SFXN4: variants seen among roughly 807,000 people sequenced by gnomAD.
SFXN4 encodes the protein sideroflexin 4.
SFXN4 carries 48 observed loss-of-function variants against 54.6 expected under a neutral mutation model. The ratio of observed to expected loss-of-function variants is 0.88; its 90% CI spans 0.70 to 1.12. The LOEUF is 1.12. Ranked by LOEUF, SFXN4 falls within the 50% of genes most tolerant of loss-of-function variation. SFXN4 has a pLI of 0.00. For synonymous variants in SFXN4, 130 were observed against 145.5 expected (o/e 0.89, Z 0.77); for missense variants, 383 against 409.2 (o/e 0.94, Z 0.55).
intron 1 of SFXN4, 155 bp downstream of exon 1, chr10:119,165,382 G>A (rs1042278109): frequency 7.5e-7 from 1 of 1,332,214 alleles, no homozygotes; most frequent in East Asian, 3.2e-5. Context: ...AAGGGGTGAA[G>A]GCCGGTGGTG....
chr10:119,160,008 C>T (rs889752685), intron 5 of SFXN4, among the ~76,000 whole-genome samples: 1 of 151,902 alleles, frequency 6.6e-6, no homozygotes, highest in African/African-American at 2.4e-5. Context: ...GGTAGCGAGA[C>T]CCCCACCTCC....
chr10:119,153,353 G>C (rs1397981269), intron 11 of SFXN4, among the ~76,000 whole-genome samples: 1 of 148,286 alleles, frequency 6.7e-6, no homozygotes, highest in Admixed American at 6.8e-5. Context: ...TGAGGCTGTA[G>C]AGCCGTGATC....
intron 11 of SFXN4, among the ~76,000 whole-genome samples, chr10:119,151,883 T>C (rs1027871556): frequency 6.6e-6 from 1 of 152,030 alleles, no homozygotes; most frequent in Non-Finnish European, 1.5e-5. Context: ...GGTGTGATAA[T>C]AGCTCGCTGC....
rs1847441453 is a variant in SFXN4, at chr10:119,159,771, G to A, written c.335-18C>T. The A allele has an allele frequency of 3.1e-6, 5 of 1,614,098 alleles. No individual in the cohort carries two copies. In the African/African-American group the frequency reaches 5.3e-5, roughly 17 times the overall value. On this transcript the variant is annotated intron_variant, in intron 5 of 13. Transcript: ENST00000355697. ...CAGGAACGCTGGCAGGAAGAGAAGA[G>A]AGGAGGTGTCAGTGATCACAGTTGC...
intron 3 of SFXN4, among the ~76,000 whole-genome samples, chr10:119,161,655 C>T (rs1847552464): frequency 6.6e-6 from 1 of 152,096 alleles, no homozygotes; most frequent in African/African-American, 2.4e-5. Context: ...TGGACCAGAA[C>T]ATTAAAAAGT....
At chr10:119,162,971 T>G (rs1409331715) in intron 2 of SFXN4, among the ~76,000 whole-genome samples, 1 of 152,062 alleles carries the variant, frequency 6.6e-6, no homozygotes, top group Non-Finnish European at 1.5e-5. Context: ...AACTTTCTAT[T>G]TTTATTTGTA....
At position 119,160,930 on chromosome 10, in the gene SFXN4, G is replaced by T. The variant is rs749156561; in HGVS notation, c.319C>A (p.Leu107Ile). 4.3e-6 allele frequency: 7 copies of T among 1,613,936 alleles called. No homozygotes were observed. The highest frequency in any genetic ancestry group is 5.9e-6 in the Non-Finnish European group (7 of 1,180,020). ...HPDSSNLIPK[L>I]FRPAAFLPFM... ...ACCAACTCACCTGCAGGTCGAAAAA[G>T]CTTGGGGATCAGGTTGCTGCTGTCG... Residue 107 changes from leucine to isoleucine, a missense_variant, in exon 5 of 14, where the codon CTT (leucine) becomes ATT (isoleucine). By Grantham distance (5) the Leu-to-Ile change is conservative. Coordinates refer to ENST00000355697, the MANE Select transcript of SFXN4 (RefSeq NM_213649.2).
intron 11 of SFXN4, among the ~76,000 whole-genome samples, chr10:119,151,472 C>A: frequency 6.6e-6 from 1 of 151,722 alleles, no homozygotes; most frequent in East Asian, 1.9e-4. Flanking sequence ...TGAAAATGTT[C>A]TACAACTGGA....
rs915090769 is a variant in SFXN4, at chr10:119,144,576, G to A, written c.936+1660C>T. Among the ~76,000 whole-genome samples, 8 of 150,980 alleles carry A rather than the reference G, an allele frequency of 5.3e-5. 1 individual carries two copies. The highest frequency in any genetic ancestry group is 2.0e-4 in the Admixed American group (3 of 15,154). ...CTTTCTGACTTAAAAAAAAAAAAAT[G>A]TCCTTGCTACCTACTAAGCAACAAC... On this transcript the variant is annotated intron_variant, in intron 13 of 13. Transcript: ENST00000355697.
intron 13 of SFXN4, among the ~76,000 whole-genome samples, chr10:119,144,819 G>T (rs1846719299): frequency 6.6e-6 from 1 of 152,066 alleles, no homozygotes; most frequent in Admixed American, 6.6e-5. Flanking sequence ...CAGTTCCCTA[G>T]TCACACCAGC....
intron 11 of SFXN4, among the ~76,000 whole-genome samples, chr10:119,148,947 C>T (rs538866297): frequency 2.6e-5 from 4 of 152,052 alleles, no homozygotes; most frequent in East Asian, 1.9e-4. Context: ...AGTACAGTAG[C>T]GTGATCACGG....
At chr10:119,146,725 C>T (rs1053081375) in intron 12 of SFXN4, among the ~76,000 whole-genome samples, 3 of 152,076 alleles carry the variant, frequency 2.0e-5, no homozygotes, top group East Asian at 1.9e-4. Context: ...CCCGCCACCA[C>T]GCCTTGCTAA....
chr10:119,154,028 A>C (rs1389191671), intron 11 of SFXN4, among the ~76,000 whole-genome samples: 1 of 151,998 alleles, frequency 6.6e-6, no homozygotes, highest in African/African-American at 2.4e-5. Context: ...AAATACAAAA[A>C]TTGGCTGGGC....
chr10:119,161,948 T>C (rs1031537483), intron 3 of SFXN4, among the ~76,000 whole-genome samples: 4 of 152,250 alleles, frequency 2.6e-5, no homozygotes, highest in African/African-American at 4.8e-5. Context: ...ACAGTCCGTT[T>C]GAGCCTATCG....
intron 9 of SFXN4, 46 bp downstream of exon 9, chr10:119,157,622 G>A (rs756036790): frequency 7.0e-7 from 1 of 1,420,666 alleles, no homozygotes; most frequent in South Asian, 1.3e-5. Flanking sequence ...AAACTTCCTG[G>A]ATTCTGAGGA....
intron 5 of SFXN4, 130 bp from the exon 6 acceptor site, chr10:119,159,883 C>T: frequency 1.1e-6 from 1 of 939,340 alleles, no homozygotes; most frequent in Non-Finnish European, 1.7e-6. Flanking sequence ...GGACTTTTTC[C>T]ACTCATTCTT....
At chr10:119,149,243 G>A (rs954258551) in intron 11 of SFXN4, among the ~76,000 whole-genome samples, 4 of 152,054 alleles carry the variant, frequency 2.6e-5, no homozygotes, top group African/African-American at 4.8e-5. Context: ...GCACACCTGC[G>A]CCCGTCCTTC....
chr10:119,142,546 C>T (rs369022601), intron 13 of SFXN4, among the ~76,000 whole-genome samples: 4 of 118,262 alleles, frequency 3.4e-5, no homozygotes, highest in Non-Finnish European at 4.9e-5. Flanking sequence ...TATTTTGTGT[C>T]TTTTTTTTTT....
At chr10:119,164,234 G>T in intron 1 of SFXN4, 38 bp from the exon 2 acceptor site, 3 of 1,203,924 alleles carry the variant, frequency 2.5e-6, no homozygotes, top group Non-Finnish European at 3.6e-6. Flanking sequence ...GTTAATGGCA[G>T]CAGAAAAATA....
Sources: gnomAD v4.1 joint callset for allele counts (sites outside exome capture counted in the v4.1 genomes callset) on GRCh38, gnomAD v4.1.1 for gene constraint, MANE v1.5 for transcripts, NCBI Gene and HGNC (gene_info 2026-07-23, HGNC 2026-07-21) for gene names.